Variants in FRRS1 observed in about 807,000 individuals in gnomAD.
FRRS1 encodes ferric reductase 1.
Under a neutral mutation model 70.7 loss-of-function variants are expected in FRRS1, and 51 were observed. The observed-to-expected ratio is 0.72, with a 90% CI of 0.58 to 0.91. FRRS1 has a LOEUF of 0.91. Among genes scored for constraint, FRRS1 ranks in the 40% least tolerant of loss-of-function variants. FRRS1 has a pLI of 0.00. For synonymous variants in FRRS1, 225 were observed against 238.7 expected, an observed-to-expected ratio of 0.94 and a Z score of 0.53; for missense variants, 672 against 726.0, an observed-to-expected ratio of 0.93 and a Z score of 0.86.
At chr1:99,729,570 G>T in intron 8 of FRRS1, 80 bp downstream of exon 8, 2 of 856,172 alleles carry the variant, frequency 2.3e-6, no homozygotes, top group Non-Finnish European at 3.9e-6. Context: ...AGGCAATCTA[G>T]CAGCACAGCC....
intron 1 of FRRS1, among the ~76,000 whole-genome samples, chr1:99,762,750 A>G (rs901105008): frequency 1.3e-5 from 2 of 152,130 alleles, no homozygotes; most frequent in African/African-American, 4.8e-5. Context: ...CATCAGCAGG[A>G]TTTCAAACCC....
In FRRS1 at chr1:99,712,494, G is replaced by C; in HGVS notation, c.1345C>G (p.Leu449Val). The C allele has an allele frequency of 1.2e-6, 2 of 1,608,814 alleles. No homozygotes were observed. Among genetic ancestry groups the C allele is most frequent in the Non-Finnish European group, 1.7e-6 (2 of 1,177,880 alleles). ...GCCAAAGTCATCACTATACAGCCGA[G>C]GTATGGGTGGTAACCTGCATGCTAA... is the stretch of plus-strand genomic sequence containing the variant. The part of the protein sequence containing the change: ...WSRHAGYHPY[L>V]GCIVMTLAVL... The change falls in exon 13 of 17, where the codon CTC becomes GTC. Residue 449 changes from leucine to valine, a missense_variant. Leu to Val is a conservative substitution (Grantham distance 32). Transcript: ENST00000646001.
intron 4 of FRRS1, 57 bp from the exon 5 acceptor site, chr1:99,742,330 G>T (rs1166082226): frequency 1.9e-6 from 2 of 1,033,792 alleles, no homozygotes; most frequent in South Asian, 1.3e-5. Context: ...AGCATGGCTG[G>T]AACTTCTATC....
At chr1:99,715,696 A>T in intron 11 of FRRS1, 24 bp from the exon 12 acceptor site, 1 of 1,522,278 alleles carries the variant, frequency 6.6e-7, no homozygotes, top group South Asian at 1.1e-5. Context: ...TGACAAATTA[A>T]GAAGACACTT....
chr1:99,739,018 T>C (rs1385726745), intron 6 of FRRS1, among the ~76,000 whole-genome samples: 3 of 152,210 alleles, frequency 2.0e-5, no homozygotes, highest in East Asian at 3.8e-4. Flanking sequence ...CTAAACATTA[T>C]GTAACTAGAG....
At chr1:99,751,513 C>A (rs1194895060) in intron 1 of FRRS1, among the ~76,000 whole-genome samples, 1 of 151,550 alleles carries the variant, frequency 6.6e-6, no homozygotes, top group Non-Finnish European at 1.5e-5. Flanking sequence ...CTGAAAGAAG[C>A]CAGAGGAAAA....
intron 4 of FRRS1, among the ~76,000 whole-genome samples, chr1:99,745,943 T>A (rs1487263629): frequency 6.6e-6 from 1 of 152,182 alleles, no homozygotes; most frequent in Non-Finnish European, 1.5e-5. Context: ...CTGCTCCGGC[T>A]TCAGCTTCTG....
At chr1:99,758,629 G>A (rs1011471958) in intron 1 of FRRS1, among the ~76,000 whole-genome samples, 1 of 152,138 alleles carries the variant, frequency 6.6e-6, no homozygotes, top group African/African-American at 2.4e-5. Flanking sequence ...TGAACAGTAT[G>A]AAATCAGTGC....
chr1:99,753,484 C>T (rs1656676130), intron 1 of FRRS1, among the ~76,000 whole-genome samples: 1 of 150,810 alleles, frequency 6.6e-6, no homozygotes, highest in Non-Finnish European at 1.5e-5. Context: ...CAAGCTATCC[C>T]TGGCCGGGCG....
chr1:99,720,956 A>G lies in FRRS1; in HGVS notation c.1007-1309T>C, dbSNP rs538894800. Among the ~76,000 whole-genome samples the G allele has an allele frequency of 3.3e-5, 5 of 152,248 alleles. No homozygotes were observed. In the East Asian group the frequency reaches 9.6e-4, roughly 29 times the overall value. On this transcript the variant is annotated intron_variant, in intron 9 of 16. Coordinates refer to ENST00000646001, the MANE Select transcript of FRRS1 (RefSeq NM_001361041.2). ...GGAAACCAGAAAAAAAAGATCGATT[A>G]AAAATAAAGGTAGAACTTAAGCTAG...
chr1:99,748,702 A>C lies in FRRS1; in HGVS notation c.67T>G (p.Tyr23Asp). The change falls in exon 3 of 17, where the codon TAT (tyrosine) becomes GAT (aspartate). Residue 23 changes from tyrosine (Y) to aspartate (D), a missense_variant. Physicochemically the swap from Tyr to Asp is radical, Grantham distance 160. Coordinates refer to ENST00000646001, the MANE Select transcript of FRRS1 (RefSeq NM_001361041.2). Reference protein sequence around the residue: ...LLLHISYVANYPNGKVTQSCH... With the variant: ...LLLHISYVANDPNGKVTQSCH... ...GACTGTGTTACTTTTCCATTGGGAT[A>C]ATTAGCCACATAACTAATGTGCAAC... The C allele has an allele frequency of 6.2e-7, 1 of 1,614,082 alleles. No homozygotes were observed. Among genetic ancestry groups the C allele is most frequent in the Non-Finnish European group, 8.5e-7 (1 of 1,179,922 alleles).
Position 99,715,666 on chromosome 1 carries a change from G to T in FRRS1, c.1243C>A (p.Arg415=). 1 of 1,609,620 alleles carries T rather than the reference G, an allele frequency of 6.2e-7. No homozygotes were observed. The highest frequency in any genetic ancestry group is 8.5e-7 in the Non-Finnish European group (1 of 1,176,062). Residue 415 remains arginine, a synonymous_variant, in exon 12 of 17, where the codon CGG becomes AGG. Coordinates refer to ENST00000646001, the MANE Select transcript of FRRS1 (RefSeq NM_001361041.2). The stretch of plus-strand genomic sequence containing the variant: ...ACAGTTGTGGTGAACATGAGCATCC[G>T]ATGCACCTGCAAGGTAAAATGACAA... ...LGEAAWFQVH[R]MLMFTTTVLT...
Position 99,748,649 on chromosome 1 carries a change from A to G in FRRS1, c.120T>C (p.Gly40=). ...QSCHGMIPEH[G]HSPQSVPVHD... ...GAACAGGAACAGACTGTGGACTATG[A>G]CCATGTTCAGGAATCATTCCATGGC... Residue 40 remains glycine, a synonymous_variant, in exon 3 of 17, where the codon GGT becomes GGC. Coordinates refer to ENST00000646001, the MANE Select transcript of FRRS1 (RefSeq NM_001361041.2). 1.2e-6 allele frequency: 2 copies of G among 1,613,952 alleles called. No individual in the cohort carries two copies.
At position 99,708,246 on chromosome 1, in the gene FRRS1, A is replaced by T. The variant is rs537919463; in HGVS notation, c.*782T>A. Among the ~76,000 whole-genome samples the T allele has an allele frequency of 1.3e-5, 2 of 152,344 alleles. No individual in the cohort carries two copies. The highest frequency in any genetic ancestry group is 4.1e-4 in the South Asian group (2 of 4,828). ...TCTAAATAAAGTCCACAGACCATTC[A>T]GATAAACTAGTAAAAATAGTTTTTC... On this transcript the variant is annotated 3_prime_UTR_variant, in exon 17 of 17. Coordinates refer to ENST00000646001, the MANE Select transcript of FRRS1 (RefSeq NM_001361041.2).
intron 4 of FRRS1, among the ~76,000 whole-genome samples, chr1:99,745,454 C>A (rs570259504): frequency 6.6e-6 from 1 of 152,062 alleles, no homozygotes; most frequent in Non-Finnish European, 1.5e-5. Context: ...GAGGCCGAGG[C>A]GGGAGGATCA....
intron 1 of FRRS1, among the ~76,000 whole-genome samples, chr1:99,763,028 T>C (rs967979866): frequency 1.1e-4 from 16 of 152,184 alleles, no homozygotes; most frequent in Non-Finnish European, 2.2e-4. Context: ...TTTCCTAAGG[T>C]ACAATTCTCA....
intron 1 of FRRS1, among the ~76,000 whole-genome samples, chr1:99,753,242 T>A (rs1264373025): frequency 2.8e-5 from 4 of 144,226 alleles, no homozygotes; most frequent in South Asian, 2.2e-4. Flanking sequence ...AAAAAAAGGC[T>A]GGGTGCGGTG....
intron 15 of FRRS1, among the ~76,000 whole-genome samples, 195 bp from the exon 16 acceptor site, chr1:99,709,454 T>C (rs774915936): frequency 6.6e-6 from 1 of 152,216 alleles, no homozygotes; most frequent in Non-Finnish European, 1.5e-5. Context: ...GAGCACACAT[T>C]TGTTAAATAA....
At chr1:99,734,924 G>A in intron 7 of FRRS1, among the ~76,000 whole-genome samples, 1 of 152,184 alleles carries the variant, frequency 6.6e-6, no homozygotes, top group African/African-American at 2.4e-5. Flanking sequence ...TGGAATTGGG[G>A]CATGGAGAGA....
Sources: gnomAD v4.1 joint callset for allele counts (sites outside exome capture counted in the v4.1 genomes callset) on GRCh38, gnomAD v4.1.1 for gene constraint, MANE v1.5 for transcripts, NCBI Gene and HGNC (gene_info 2026-07-23, HGNC 2026-07-21) for gene names.